The following FAM135A variants were observed in gnomAD, a reference collection of about 807,000 sequenced individuals.
FAM135A encodes protein FAM135A.
FAM135A carries 79 observed loss-of-function variants against 146.8 expected under a neutral mutation model. The ratio of observed to expected loss-of-function variants is 0.54; its 90% CI spans 0.45 to 0.65. FAM135A has a LOEUF of 0.65. Ranked by LOEUF, FAM135A falls within the 30% of genes least tolerant of loss-of-function variation. The pLI is 0.00. For missense variants in FAM135A, 1,623 were observed against 1,758.2 expected, an observed-to-expected ratio of 0.92 and a Z score of 1.38; for synonymous variants, 562 against 603.6, an observed-to-expected ratio of 0.93 and a Z score of 1.01.
chr6:70,546,749 A>T (rs1411142288), intron 20 of FAM135A, among the ~76,000 whole-genome samples: 2 of 152,212 alleles, frequency 1.3e-5, no homozygotes, highest in Non-Finnish European at 2.9e-5. Flanking sequence ...TTACAATTAT[A>T]AACATTCATT....
chr6:70,459,080 T>G (rs2128085753), intron 5 of FAM135A, among the ~76,000 whole-genome samples: 1 of 152,290 alleles, frequency 6.6e-6, no homozygotes, highest in African/African-American at 2.4e-5. Context: ...TCTTTTATCC[T>G]TTGTGTTAAT....
chr6:70,528,924 G>A (rs1795256724), intron 16 of FAM135A, among the ~76,000 whole-genome samples: 2 of 148,032 alleles, frequency 1.4e-5, no homozygotes, highest in Non-Finnish European at 3.0e-5. Context: ...ACTTAGAAGT[G>A]AGAACATGTA....
chr6:70,506,416 A>C (rs1054528303), intron 12 of FAM135A, among the ~76,000 whole-genome samples: 1 of 152,144 alleles, frequency 6.6e-6, no homozygotes, highest in African/African-American at 2.4e-5. Flanking sequence ...GGAGCCACAC[A>C]TCTTTGTCTA....
rs765685277 is a variant in FAM135A, at chr6:70,524,978, C to G, written c.1894C>G (p.His632Asp). ...CGATAGTGAAATTACACAAATGGAA[C>G]ACAATCTGGCATCCAGAAGGTCATC... The part of the protein sequence containing the change: ...QDDSEITQME[H>D]NLASRRSSDD... Residue 632 changes from histidine (H) to aspartate (D), a missense_variant, in exon 15 of 22, where the codon CAC becomes GAC. This residue lies in a region of FAM135A where 1,061 missense variants were observed against 1,113.8 expected (regional missense o/e 0.95). Transcript: ENST00000418814. 6.2e-7 allele frequency: 1 copy of G among 1,602,736 alleles called. No homozygotes were observed.
chr6:70,445,681 G>A (rs139751738), intron 4 of FAM135A, among the ~76,000 whole-genome samples: 2 of 152,330 alleles, frequency 1.3e-5, no homozygotes, highest in African/African-American at 2.4e-5. Context: ...GTTTAAGAAC[G>A]CTTTTAAGCA....
chr6:70,454,022 CCCA>C (rs1562450316), intron 5 of FAM135A, among the ~76,000 whole-genome samples: 2 of 152,204 alleles, frequency 1.3e-5, no homozygotes, highest in Non-Finnish European at 1.5e-5. Flanking sequence ...AATTTACACT[CCCA>C]CCAACAGTGT....
chr6:70,461,090 T>C (rs1159739134), intron 5 of FAM135A, among the ~76,000 whole-genome samples: 6 of 152,172 alleles, frequency 3.9e-5, no homozygotes, highest in Non-Finnish European at 4.4e-5. Flanking sequence ...CCCAAAGTGC[T>C]GGGATTACAG....
At chr6:70,422,307 A>G (rs570785673) in intron 2 of FAM135A, among the ~76,000 whole-genome samples, 3 of 152,284 alleles carry the variant, frequency 2.0e-5, no homozygotes, top group African/African-American at 7.2e-5. Context: ...AGAGGATCAA[A>G]CAGATCCCCT....
intron 20 of FAM135A, among the ~76,000 whole-genome samples, chr6:70,542,248 GCACA>G (rs112638092): frequency 1.6e-4 from 23 of 141,938 alleles, no homozygotes; most frequent in Admixed American, 7.6e-4. Context: ...TTTTTATCCT[GCACA>G]CACACACACA....
Position 70,556,548 on chromosome 6 carries a change from A to C in FAM135A, c.4229-202A>C, listed in dbSNP as rs74795299. 607 of 449,702 alleles carry C rather than the reference A, an allele frequency of 1.3e-3. 2 individuals are homozygous for C. The highest frequency in any genetic ancestry group is 2.9e-3 in the Middle Eastern group (5 of 1,718). 27.9% of individuals were successfully genotyped at this position (449,702 alleles called of 1,614,324 possible). ...CAGTGCAAACACACATTCTTATATCAGCATCAAGACTACATAACAGTGAGG... is the reference window on the plus strand; with the variant it reads ...CAGTGCAAACACACATTCTTATATCCGCATCAAGACTACATAACAGTGAGG... On this transcript the variant is annotated intron_variant, in intron 20 of 21. Coordinates refer to ENST00000418814, the MANE Select transcript of FAM135A (RefSeq NM_001162529.3).
chr6:70,463,169 C>T (rs1779737269), intron 5 of FAM135A, among the ~76,000 whole-genome samples: 1 of 152,198 alleles, frequency 6.6e-6, no homozygotes, highest in Non-Finnish European at 1.5e-5. Context: ...ATGCTCTCCT[C>T]TCTTCTCCTT....
intron 20 of FAM135A, among the ~76,000 whole-genome samples, chr6:70,540,076 TAGATCTGGA>T (rs1345611945): frequency 3.3e-5 from 5 of 152,188 alleles, no homozygotes; most frequent in Admixed American, 2.6e-4. Context: ...TTAACGTACT[TAGATCTGGA>T]ATCATTTTTG....
At chr6:70,445,854 G>A (rs1437097852) in intron 4 of FAM135A, among the ~76,000 whole-genome samples, 1 of 152,174 alleles carries the variant, frequency 6.6e-6, no homozygotes, top group Non-Finnish European at 1.5e-5. Context: ...CGGGGCGGGG[G>A]GGGCTGTTCC....
At chr6:70,555,728 A>AG (rs140142745) in intron 20 of FAM135A, among the ~76,000 whole-genome samples, 1,518 of 151,734 alleles carry the variant, frequency 0.01, 17 homozygotes, top group African/African-American at 0.033. Context: ...GTGAGAATGA[A>AG]GGGGGGGGAG....
Position 70,523,964 on chromosome 6 carries a change from C to T in FAM135A, c.1104-3C>T, listed in dbSNP as rs770106193. On this transcript the variant is annotated splice_polypyrimidine_tract_variant and splice_region_variant and intron_variant, in intron 13 of 21. Transcript: ENST00000418814. ...ACAATCTGACTGAAGAAATATTTTT[C>T]AGTGCTCAGAGTCATCTACAGATGT... The T allele has an allele frequency of 1.3e-6, 2 of 1,593,086 alleles. No homozygotes were observed. The highest frequency in any genetic ancestry group is 1.2e-5 in the South Asian group (1 of 86,072).
chr6:70,485,643 A>C (rs1222325531), intron 10 of FAM135A, among the ~76,000 whole-genome samples: 2 of 152,214 alleles, frequency 1.3e-5, no homozygotes, highest in Non-Finnish European at 2.9e-5. Flanking sequence ...AACTTCTTAA[A>C]CTTGACTATG....
intron 5 of FAM135A, among the ~76,000 whole-genome samples, chr6:70,459,521 G>A (rs1779006641): frequency 6.6e-6 from 1 of 152,136 alleles, no homozygotes; most frequent in Non-Finnish European, 1.5e-5. Context: ...AGCATTCATA[G>A]ACTTTTACAA....
At chr6:70,522,382 A>AG in intron 12 of FAM135A, 131 bp from the exon 13 acceptor site, 1 of 702,232 alleles carries the variant, frequency 1.4e-6, no homozygotes, top group Non-Finnish European at 2.5e-6. Context: ...CTGAAGAGGG[A>AG]GAAGGGAAGT....
intron 4 of FAM135A, among the ~76,000 whole-genome samples, chr6:70,432,400 A>G (rs1771873730): frequency 6.6e-6 from 1 of 152,214 alleles, no homozygotes; most frequent in Admixed American, 6.5e-5. Flanking sequence ...TTGAAAAATA[A>G]CTTATAGAAG....
Sources: allele counts gnomAD v4.1 joint callset (sites outside exome capture counted in the v4.1 genomes callset), GRCh38; gene constraint gnomAD v4.1.1; regional missense constraint gnomAD v4.1.1; transcripts MANE v1.5; gene names NCBI Gene and HGNC (gene_info 2026-07-23, HGNC 2026-07-21).